Variants in TTK observed in about 807,000 individuals in gnomAD.
TTK encodes dual specificity protein kinase TTK.
TTK carries 59 observed loss-of-function variants against 117.3 expected under a neutral mutation model. The ratio of observed to expected loss-of-function variants is 0.50; its 90% CI spans 0.41 to 0.62. The LOEUF is 0.62. Ranked by LOEUF, TTK falls within the 20% of genes least tolerant of loss-of-function variation. The pLI is 0.00. For missense variants in TTK, 921 were observed against 989.4 expected (o/e 0.93, Z 0.93); for synonymous variants, 302 against 325.0 (o/e 0.93, Z 0.76).
intron 21 of TTK, among the ~76,000 whole-genome samples, chr6:80,041,843 G>A (rs1768055845): frequency 6.6e-6 from 1 of 151,506 alleles, no homozygotes; most frequent in Admixed American, 6.6e-5. Context: ...AAGAGATAAA[G>A]AAGGCCTTGA....
chr6:80,008,627 GA>G, intron 4 of TTK, 135 bp downstream of exon 4: 6 of 685,782 alleles, frequency 8.7e-6, no homozygotes, highest in Non-Finnish European at 1.2e-5. Context: ...AGAATATGGG[GA>G]GAAAATGCCA....
chr6:80,010,791 AC>A (rs1767123387), intron 4 of TTK, 22 bp from the exon 5 acceptor site: 1 of 1,596,612 alleles, frequency 6.3e-7, no homozygotes, highest in Admixed American at 1.7e-5. Flanking sequence ...CCTAAAAATG[AC>A]AATTATCTTT....
At chr6:80,006,068 A>G (rs768796577) in intron 2 of TTK, 86 bp downstream of exon 2, 11 of 1,500,250 alleles carry the variant, frequency 7.3e-6, no homozygotes, top group Admixed American at 3.8e-5. Flanking sequence ...TTTATTTATA[A>G]TTTACTCATG....
chr6:80,022,139 T>G (rs577504732), intron 10 of TTK, among the ~76,000 whole-genome samples, 185 bp from the exon 11 acceptor site: 38 of 152,326 alleles, frequency 2.5e-4, no homozygotes, highest in Non-Finnish European at 2.1e-4. Context: ...ATAGTGCAAC[T>G]TTGTGAAATT....
chr6:80,005,748 A>T (rs985998785), intron 1 of TTK, 94 bp from the exon 2 acceptor site: 39 of 1,419,964 alleles, frequency 2.7e-5, no homozygotes, highest in Non-Finnish European at 3.3e-5. Flanking sequence ...TCACAAAACG[A>T]ATGCTTTAGT....
At chr6:80,040,097 G>T in intron 19 of TTK, 99 bp from the exon 20 acceptor site, 1 of 1,083,668 alleles carries the variant, frequency 9.2e-7, no homozygotes. Flanking sequence ...TATCTAAAAA[G>T]TAACTTTTAT....
rs1767479864 is a variant in TTK at position 80,022,268 on chromosome 6, T to C, written c.1109-56T>C. 7 of 1,552,934 alleles carry C rather than the reference T, an allele frequency of 4.5e-6. No homozygotes were observed. In the South Asian group the frequency reaches 7.2e-5, roughly 16 times the overall value. On this transcript the variant is annotated intron_variant, in intron 10 of 21. Transcript: ENST00000369798. The stretch of plus-strand genomic sequence containing the variant: ...TTGTAATATGTTCTGTTGTTTAGGC[T>C]TAGTTTATTATGATCAAATATTCTT...
At chr6:80,011,580 A>G (rs367601396) in intron 6 of TTK, 32 bp downstream of exon 6, 7 of 1,574,814 alleles carry the variant, frequency 4.4e-6, no homozygotes, top group Admixed American at 1.8e-5. Flanking sequence ...TTAAATGTTC[A>G]TCTTCTATGT....
chr6:80,022,477 C>T lies in TTK; in HGVS notation c.1257+5C>T, dbSNP rs772506180. ...GCCCGAAAAGTTAATACAGAGGTAA[C>T]TTTTCCACTAAAGTACAATATTGCT... On this transcript the variant is annotated splice_donor_5th_base_variant and intron_variant, in intron 11 of 21. Transcript: ENST00000369798. 2 of 1,611,488 alleles carry T rather than the reference C, an allele frequency of 1.2e-6. No individual in the cohort carries two copies. The highest frequency in any genetic ancestry group is 1.7e-6 in the Non-Finnish European group (2 of 1,179,326).
chr6:80,020,262 AT>A (rs1156464603), intron 10 of TTK, among the ~76,000 whole-genome samples: 1 of 152,220 alleles, frequency 6.6e-6, no homozygotes, highest in Non-Finnish European at 1.5e-5. Flanking sequence ...GTCAACCAAA[AT>A]TTGGGTAAAA....
At chr6:80,022,292 T>C (rs1180914633) in intron 10 of TTK, 32 bp from the exon 11 acceptor site, 1 of 1,599,152 alleles carries the variant, frequency 6.3e-7, no homozygotes, top group Admixed American at 1.7e-5. Flanking sequence ...TCAAATATTC[T>C]TGCTTTTTAA....
intron 13 of TTK, among the ~76,000 whole-genome samples, chr6:80,028,343 AGTCTC>A (rs1767663550): frequency 6.6e-6 from 1 of 150,698 alleles, no homozygotes; most frequent in Non-Finnish European, 1.5e-5. Context: ...TTTGAGACAG[AGTCTC>A]GCTCTATTGC....
chr6:80,010,781 C>T, intron 4 of TTK, 33 bp from the exon 5 acceptor site: 13 of 1,222,294 alleles, frequency 1.1e-5, no homozygotes, highest in Non-Finnish European at 1.5e-5. Context: ...CATTTTACTG[C>T]CTAAAAATGA....
At chr6:80,024,367 A>G (rs1251463937) in intron 11 of TTK, among the ~76,000 whole-genome samples, 2 of 152,244 alleles carry the variant, frequency 1.3e-5, no homozygotes, top group African/African-American at 2.4e-5. Context: ...TATCCAACCG[A>G]TGAATGGATA....
chr6:80,040,479 C>G, intron 20 of TTK, 127 bp from the exon 21 acceptor site: 3 of 892,922 alleles, frequency 3.4e-6, no homozygotes, highest in Non-Finnish European at 3.2e-6. Context: ...TTACTTATTC[C>G]AGATAACGGG....
At chr6:80,024,507 A>G (rs1767553244) in intron 11 of TTK, among the ~76,000 whole-genome samples, 1 of 152,228 alleles carries the variant, frequency 6.6e-6, no homozygotes, top group Non-Finnish European at 1.5e-5. Flanking sequence ...ACAAAAGCCC[A>G]TATATTTTAT....
intron 10 of TTK, among the ~76,000 whole-genome samples, chr6:80,014,824 G>GT (rs1224946357): frequency 6.6e-6 from 1 of 152,016 alleles, no homozygotes; most frequent in Admixed American, 6.6e-5. Flanking sequence ...ATGGAACTGA[G>GT]TTTTTTTTCT....
chr6:80,041,853 A>G (rs1000861830), intron 21 of TTK, among the ~76,000 whole-genome samples: 1 of 151,680 alleles, frequency 6.6e-6, no homozygotes, highest in African/African-American at 2.4e-5. Context: ...GAAGGCCTTG[A>G]AGGCTCATAT....
In TTK at chr6:80,009,749, G is replaced by A. The variant is rs897215509; in HGVS notation, c.470-1065G>A. On this transcript the variant is annotated intron_variant, in intron 4 of 21. Coordinates refer to ENST00000369798, the MANE Select transcript of TTK (RefSeq NM_003318.5). The stretch of plus-strand genomic sequence containing the variant: ...AGTGTGGTCAAATTATGATTATTTT[G>A]AGCACAGTTGATGGCTTGGCTGTCA... Among the ~76,000 whole-genome samples, 3 of 152,126 alleles carry A rather than the reference G, an allele frequency of 2.0e-5. No individual in the cohort carries two copies. In the South Asian group the frequency reaches 6.2e-4, roughly 32 times the overall value.
Sources: gnomAD v4.1 joint callset for allele counts (sites outside exome capture counted in the v4.1 genomes callset) on GRCh38, gnomAD v4.1.1 for gene constraint, MANE v1.5 for transcripts, NCBI Gene and HGNC (gene_info 2026-07-23, HGNC 2026-07-21) for gene names.